Variants in AREL1 observed in about 807,000 individuals in gnomAD.
The protein encoded by AREL1 is apoptosis resistant E3 ubiquitin protein ligase 1, also known as apoptosis-resistant E3 ubiquitin protein ligase 1.
In AREL1, 62 loss-of-function variants were observed where a neutral mutation model predicts 99.0. That is an observed-to-expected ratio of 0.63 (90% CI 0.51 to 0.77). The LOEUF is 0.77. AREL1 is among the 30% of genes least tolerant of loss of function. AREL1 has a pLI of 0.00. For missense variants in AREL1, 879 were observed against 1,027.6 expected (o/e 0.86, Z 1.98); for synonymous variants, 380 against 376.5 (o/e 1.01, Z -0.11).
intron 8 of AREL1, among the ~76,000 whole-genome samples, 181 bp from the exon 9 acceptor site, chr14:74,674,292 G>T (rs185283912): frequency 6.6e-6 from 1 of 152,186 alleles, no homozygotes; most frequent in Non-Finnish European, 1.5e-5. Context: ...TATTTAAAAA[G>T]GCAAATTAAA....
Position 74,693,098 on chromosome 14 carries a change from A to T in AREL1, c.-333-770T>A, listed in dbSNP as rs190997219. 2.2e-3 allele frequency among the ~76,000 whole-genome samples: 334 copies of T among 152,244 alleles called. 2 individuals carry two copies. The highest frequency in any genetic ancestry group is 7.5e-3 in the African/African-American group (310 of 41,524). On this transcript the variant is annotated intron_variant, in intron 1 of 19. Coordinates refer to ENST00000356357, the MANE Select transcript of AREL1 (RefSeq NM_001039479.2). ...AATGGGGTTGCAGCACAGGGTCTGG[A>T]GCAACCACAAAGACAAGTGAGATGA...
At chr14:74,689,090 C>CTG (rs2089812834) in intron 2 of AREL1, among the ~76,000 whole-genome samples, 1 of 151,916 alleles carries the variant, frequency 6.6e-6, no homozygotes, top group African/African-American at 2.4e-5. Context: ...TCAAGTGAAC[C>CTG]ACCTGCCTTG....
At chr14:74,669,054 C>T (rs2059291822) in intron 15 of AREL1, among the ~76,000 whole-genome samples, 1 of 152,166 alleles carries the variant, frequency 6.6e-6, no homozygotes, top group South Asian at 2.1e-4. Flanking sequence ...CGCCACCATA[C>T]CCAGCTAGAT....
chr14:74,681,233 C>A (rs1594765604), intron 5 of AREL1, among the ~76,000 whole-genome samples: 1 of 152,000 alleles, frequency 6.6e-6, no homozygotes, highest in Admixed American at 6.6e-5. Flanking sequence ...AAAAAAACCA[C>A]AAAACCACAC....
chr14:74,707,618 C>A (rs965337816), intron 1 of AREL1, among the ~76,000 whole-genome samples: 1 of 151,880 alleles, frequency 6.6e-6, no homozygotes, highest in African/African-American at 2.4e-5. Context: ...ACATGTGAAA[C>A]CCCGTCTCTA....
chr14:74,685,812 C>G (rs903727323), intron 2 of AREL1, among the ~76,000 whole-genome samples, 152 bp from the exon 3 acceptor site: 1 of 152,180 alleles, frequency 6.6e-6, no homozygotes, highest in Non-Finnish European at 1.5e-5. Context: ...TGACAGGTGC[C>G]GTATAATATA....
At chr14:74,693,832 T>C (rs1435185926) in intron 1 of AREL1, among the ~76,000 whole-genome samples, 1 of 152,208 alleles carries the variant, frequency 6.6e-6, no homozygotes, top group Non-Finnish European at 1.5e-5. Context: ...TGAAATTAAG[T>C]TGGCAAACTT....
chr14:74,694,803 C>T (rs1353393081), intron 1 of AREL1, among the ~76,000 whole-genome samples: 1 of 151,920 alleles, frequency 6.6e-6, no homozygotes. Flanking sequence ...TCCTGGCTAA[C>T]ACGGTGAAAT....
At chr14:74,667,712 A>G in intron 15 of AREL1, 118 bp from the exon 16 acceptor site, 1 of 1,327,962 alleles carries the variant, frequency 7.5e-7, no homozygotes, top group African/African-American at 1.5e-5. Flanking sequence ...GTCAGTCACA[A>G]GTTTCTGCTG....
chr14:74,666,894 A>G (rs1205279972), intron 17 of AREL1, among the ~76,000 whole-genome samples: 1 of 151,626 alleles, frequency 6.6e-6, no homozygotes, highest in Non-Finnish European at 1.5e-5. Flanking sequence ...TAATTTTTGT[A>G]TTTTCAGTAG....
chr14:74,710,621 A>G (rs2090262301), intron 1 of AREL1, among the ~76,000 whole-genome samples: 1 of 152,322 alleles, frequency 6.6e-6, no homozygotes, highest in East Asian at 1.9e-4. Flanking sequence ...TTAGCTCTAC[A>G]CATGAATGGC....
intron 8 of AREL1, among the ~76,000 whole-genome samples, chr14:74,675,077 CAAA>C (rs1268765720): frequency 6.6e-6 from 1 of 152,144 alleles, no homozygotes; most frequent in African/African-American, 2.4e-5. Context: ...CTAAAGAAGA[CAAA>C]GAAGTATAAT....
intron 1 of AREL1, among the ~76,000 whole-genome samples, chr14:74,695,825 A>G (rs1026919612): frequency 2.0e-5 from 3 of 152,318 alleles, no homozygotes; most frequent in African/African-American, 7.2e-5. Context: ...GTACTTTCAC[A>G]AGATCCCCAG....
chr14:74,711,545 A>C (rs1328670096), intron 1 of AREL1, among the ~76,000 whole-genome samples: 6 of 151,956 alleles, frequency 3.9e-5, no homozygotes, highest in African/African-American at 1.5e-4. Context: ...TCTGTCTCAA[A>C]AATAAAATAA....
At chr14:74,685,081 C>T (rs1389633009) in intron 3 of AREL1, among the ~76,000 whole-genome samples, 1 of 152,224 alleles carries the variant, frequency 6.6e-6, no homozygotes, top group Non-Finnish European at 1.5e-5. Flanking sequence ...ATATGAGCTG[C>T]ATATAATGTC....
rs949506609 is a variant in AREL1, at chr14:74,661,853, TC to T, written c.*1866del. ...TCTAGCCAAGACAATCAACTCAATC[TC>T]CAGGATCAGTCTCTGGAAGGCTGCC... On this transcript the variant is annotated 3_prime_UTR_variant, in exon 20 of 20. Coordinates refer to ENST00000356357, the MANE Select transcript of AREL1 (RefSeq NM_001039479.2). 4 of 152,178 alleles carry T rather than the reference TC, an allele frequency of 2.6e-5. No homozygotes were observed. Among genetic ancestry groups the T allele is most frequent in the African/African-American group, 9.7e-5 (4 of 41,372 alleles). The allele number at this position is 152,178 out of a possible 1,614,324, so 9.4% of individuals were successfully genotyped here.
intron 1 of AREL1, among the ~76,000 whole-genome samples, chr14:74,705,176 A>G (rs1476129400): frequency 6.6e-6 from 1 of 151,870 alleles, no homozygotes. Context: ...AGTAGCTGGG[A>G]TTATAGGCAT....
At chr14:74,703,507 A>T (rs894381641) in intron 1 of AREL1, among the ~76,000 whole-genome samples, 2 of 152,220 alleles carry the variant, frequency 1.3e-5, no homozygotes, top group African/African-American at 4.8e-5. Flanking sequence ...AGAATTAAAC[A>T]TGTTAAGTTT....
rs576177513 is a variant in AREL1 at position 74,670,654 on chromosome 14, T to C, written c.1608+108A>G. Reference sequence around the variant, plus strand: ...ATATTTTAAGCAGTAAAATTAAGAATAGGACACAGGTTGTCAGGTTCCCAG... The same window carrying C: ...ATATTTTAAGCAGTAAAATTAAGAACAGGACACAGGTTGTCAGGTTCCCAG... On this transcript the variant is annotated intron_variant, in intron 13 of 19. Coordinates refer to ENST00000356357, the MANE Select transcript of AREL1 (RefSeq NM_001039479.2). The C allele has an allele frequency of 9.5e-5, 81 of 850,838 alleles. No homozygotes were observed. The South Asian group carries it at 1.3e-3, about 14-fold the overall frequency. The allele number at this position is 850,838 out of a possible 1,614,324, so 52.7% of individuals were successfully genotyped here.
Sources: allele counts gnomAD v4.1 joint callset (sites outside exome capture counted in the v4.1 genomes callset), GRCh38; gene constraint gnomAD v4.1.1; transcripts MANE v1.5; gene names NCBI Gene and HGNC (gene_info 2026-07-23, HGNC 2026-07-21).